SP100: variants seen among roughly 807,000 people sequenced by gnomAD.
SP100 encodes the protein SP100 nuclear body protein.
In SP100, 84 loss-of-function variants were observed where a neutral mutation model predicts 130.0. That is an observed-to-expected ratio of 0.65 (90% CI 0.54 to 0.77). The LOEUF (loss-of-function observed/expected upper bound fraction) is 0.77. SP100 is among the 30% of genes least tolerant of loss of function. SP100 has a pLI of 0.00. For missense variants in SP100, 978 were observed against 1,052.2 expected (o/e 0.93, Z 0.97); for synonymous variants, 331 against 351.7 (o/e 0.94, Z 0.66).
chr2:230,543,212 T>C lies in SP100; in HGVS notation c.*266T>C. 1 of 243,736 alleles carries C rather than the reference T, an allele frequency of 4.1e-6. No homozygotes were observed. Among genetic ancestry groups the C allele is most frequent in the South Asian group, 8.3e-5 (1 of 12,072 alleles). 15.1% of individuals were successfully genotyped at this position (243,736 alleles called of 1,614,324 possible). A position where few individuals can be genotyped will look rare whatever the true frequency, so the allele number is the denominator to read the frequency against. ...AACCCACAGACAACATTATATGGAA[T>C]GCGCAAAAGAAGCATTCCCCTTGAA... is the stretch of plus-strand genomic sequence containing the variant. On this transcript the variant is annotated 3_prime_UTR_variant, in exon 29 of 29. Coordinates refer to ENST00000340126, the MANE Select transcript of SP100 (RefSeq NM_001080391.2).
intron 2 of SP100, among the ~76,000 whole-genome samples, chr2:230,439,039 G>A (rs2063386863): frequency 6.6e-6 from 1 of 151,980 alleles, no homozygotes. Context: ...TTTAATTATG[G>A]TCTTTCTTGC....
chr2:230,497,488 G>GAGGAGAGGA (rs2066736663), intron 18 of SP100, among the ~76,000 whole-genome samples: 6 of 32,476 alleles, frequency 1.8e-4, no homozygotes, highest in African/African-American at 8.5e-4. Flanking sequence ...GGAGGGGAGG[G>GAGGAGAGGA]GAGGAGAGGA....
chr2:230,456,393 G>A (rs7581828), intron 8 of SP100, among the ~76,000 whole-genome samples: 94,820 of 152,000 alleles, frequency 0.62, 30,641 homozygotes, highest in Non-Finnish European at 0.7. Flanking sequence ...TGGTGTAGTC[G>A]TGTTTGCACT....
chr2:230,536,269 G>A (rs971726280), intron 24 of SP100, among the ~76,000 whole-genome samples: 14 of 152,070 alleles, frequency 9.2e-5, no homozygotes, highest in Non-Finnish European at 1.8e-4. Flanking sequence ...ATTTGCCCAC[G>A]ACACTCCTCA....
At chr2:230,461,472 C>T (rs1012742679) in intron 9 of SP100, 58 bp downstream of exon 9, 2 of 1,572,948 alleles carry the variant, frequency 1.3e-6, no homozygotes, top group Admixed American at 1.7e-5. Context: ...GTAAGGGGCT[C>T]AGGGACTTCA....
rs1185375432 is a variant in SP100, at chr2:230,544,952, G to A, written c.*2006G>A. Among the ~76,000 whole-genome samples the A allele has an allele frequency of 6.6e-6, 1 of 152,166 alleles. No individual in the cohort carries two copies. The highest frequency in any genetic ancestry group is 1.9e-4 in the East Asian group (1 of 5,184). The stretch of plus-strand genomic sequence containing the variant: ...AAAAAATAACAGCTAGTAAGGTTGT[G>A]GAGAAAAGGGAACATTTATACACTA... On this transcript the variant is annotated 3_prime_UTR_variant, in exon 29 of 29. Transcript: ENST00000340126.
intron 2 of SP100, among the ~76,000 whole-genome samples, chr2:230,430,897 G>C (rs933136593): frequency 1.3e-5 from 2 of 152,262 alleles, no homozygotes; most frequent in Non-Finnish European, 2.9e-5. Flanking sequence ...GTTAGGCAGG[G>C]TGGCTGGCTT....
At chr2:230,430,305 G>A (rs149332647) in intron 2 of SP100, among the ~76,000 whole-genome samples, 11 of 152,346 alleles carry the variant, frequency 7.2e-5, no homozygotes, top group Non-Finnish European at 1.5e-4. Context: ...GTTGGGCAGC[G>A]GCTAACGGCC....
At chr2:230,474,264 A>G (rs1209115904) in intron 16 of SP100, 130 bp from the exon 17 acceptor site, 1 of 609,970 alleles carries the variant, frequency 1.6e-6, no homozygotes, top group African/African-American at 2.0e-5. Flanking sequence ...TTCCTTTGGA[A>G]GGAAGACAGA....
intron 15 of SP100, among the ~76,000 whole-genome samples, chr2:230,471,293 A>G (rs1473708543): frequency 6.6e-6 from 1 of 152,216 alleles, no homozygotes; most frequent in Non-Finnish European, 1.5e-5. Context: ...GTGGCCAGAT[A>G]GAGTAGGGCT....
chr2:230,481,764 A>G (rs187342440), intron 17 of SP100, among the ~76,000 whole-genome samples: 75 of 152,286 alleles, frequency 4.9e-4, no homozygotes, highest in Admixed American at 2.0e-3. Flanking sequence ...CAGCTCTTAA[A>G]CCTCATCCTT....
intron 17 of SP100, among the ~76,000 whole-genome samples, chr2:230,488,413 T>G (rs2066224896): frequency 6.6e-6 from 1 of 152,152 alleles, no homozygotes; most frequent in African/African-American, 2.4e-5. Flanking sequence ...TTTTGTTGTT[T>G]TTGTTGTTGT....
intron 19 of SP100, among the ~76,000 whole-genome samples, chr2:230,500,052 G>C (rs1191305941): frequency 6.6e-6 from 1 of 152,076 alleles, no homozygotes; most frequent in African/African-American, 2.4e-5. Context: ...GGATGTTGAG[G>C]CTTCTGCTAA....
At chr2:230,419,168 C>A (rs976702069) in intron 2 of SP100, among the ~76,000 whole-genome samples, 4 of 152,122 alleles carry the variant, frequency 2.6e-5, no homozygotes, top group African/African-American at 9.7e-5. Context: ...CTAAAGTAGT[C>A]CTCCCTTATC....
intron 2 of SP100, among the ~76,000 whole-genome samples, chr2:230,439,199 T>C (rs1026427438): frequency 6.6e-6 from 1 of 152,218 alleles, no homozygotes; most frequent in African/African-American, 2.4e-5. Flanking sequence ...TTGATAAGAT[T>C]ATCTGAATTT....
At chr2:230,495,834 G>A (rs2066640306) in intron 18 of SP100, among the ~76,000 whole-genome samples, 1 of 151,754 alleles carries the variant, frequency 6.6e-6, no homozygotes, top group Admixed American at 6.6e-5. Context: ...AAGTTGATAT[G>A]GCACTATAGA....
chr2:230,437,641 C>G (rs939635112), intron 2 of SP100, among the ~76,000 whole-genome samples: 2 of 152,064 alleles, frequency 1.3e-5, no homozygotes, highest in African/African-American at 4.8e-5. Context: ...TCACTGCATC[C>G]TCCACCTCCC....
intron 2 of SP100, among the ~76,000 whole-genome samples, chr2:230,432,512 G>C (rs2063129787): frequency 6.6e-6 from 1 of 152,086 alleles, no homozygotes; most frequent in South Asian, 2.1e-4. Flanking sequence ...TTCAAGTTTT[G>C]CTAAAATTTG....
rs771106168 is a variant in SP100 at position 230,541,799 on chromosome 2, A to G, written c.2404-93A>G. 5.8e-6 allele frequency: 8 copies of G among 1,382,646 alleles called. No homozygotes were observed. In the Admixed American group the frequency reaches 6.7e-5, roughly 12 times the overall value. 85.6% of individuals were successfully genotyped at this position (1,382,646 alleles called of 1,614,324 possible). ...CACAGGGGGGTTAGGATTTTGACCT[A>G]TGGATTGGGGGAACTCCACAAACCT... is the stretch of plus-strand genomic sequence containing the variant. On this transcript the variant is annotated intron_variant, in intron 27 of 28. Transcript: ENST00000340126.
Sources: gnomAD v4.1 joint callset for allele counts (sites outside exome capture counted in the v4.1 genomes callset) on GRCh38, gnomAD v4.1.1 for gene constraint, MANE v1.5 for transcripts, NCBI Gene and HGNC (gene_info 2026-07-23, HGNC 2026-07-21) for gene names.